GSG1L: variants seen among roughly 807,000 people sequenced by gnomAD.
GSG1L encodes germ cell-specific gene 1-like protein.
A neutral mutation model predicts 42.1 loss-of-function variants in GSG1L; 24 were observed. The observed-to-expected ratio is 0.57, with a 90% confidence interval of 0.41 to 0.80. GSG1L has a LOEUF of 0.80. Among genes scored for constraint, GSG1L ranks in the 30% least tolerant of loss-of-function variants. The pLI is 0.00. For synonymous variants in GSG1L, 215 were observed against 203.5 expected (o/e 1.06, Z -0.48); for missense variants, 445 against 472.2 (o/e 0.94, Z 0.53).
rs116350372 is a variant in GSG1L, at chr16:27,810,536, C to T, written c.831-2982G>A. ...GACTGTCTGCACCAAGGGGCTAGGC[C>T]TGTACTTCCCAGGGAACATACTCTG... On this transcript the variant is annotated intron_variant, in intron 5 of 6. Coordinates refer to ENST00000447459, the MANE Select transcript of GSG1L (RefSeq NM_001109763.2). 8.2e-3 allele frequency among the ~76,000 whole-genome samples: 1,251 copies of T among 152,248 alleles called. 17 individuals are homozygous for T. The highest frequency in any genetic ancestry group is 0.029 in the African/African-American group (1,187 of 41,538).
At chr16:27,961,018 A>T (rs188331725) in intron 2 of GSG1L, among the ~76,000 whole-genome samples, 316 of 152,282 alleles carry the variant, frequency 2.1e-3, no homozygotes, top group African/African-American at 7.2e-3. Context: ...CCCACCTGCC[A>T]CTGTACACAG....
At chr16:27,958,350 A>G (rs914095653) in intron 2 of GSG1L, among the ~76,000 whole-genome samples, 2 of 149,556 alleles carry the variant, frequency 1.3e-5, no homozygotes, top group African/African-American at 4.9e-5. Context: ...GGTTGCAGTG[A>G]GCCGAGATCA....
rs2082709593 is a variant in GSG1L, at chr16:27,787,791, A to G, written c.*3579T>C. On this transcript the variant is annotated 3_prime_UTR_variant, in exon 7 of 7. Transcript: ENST00000447459. ...AACTTCAGAAGGACCCTGGGTGAGA[A>G]CAAGAGCTCCTAGATGCCTGGTGGC... The G allele has an allele frequency of 6.6e-6, 1 of 152,188 alleles. No individual in the cohort carries two copies. Among genetic ancestry groups the G allele is most frequent in the African/African-American group, 2.4e-5 (1 of 41,442 alleles). 9.4% of individuals were successfully genotyped at this position (152,188 alleles called of 1,614,324 possible).
intron 2 of GSG1L, among the ~76,000 whole-genome samples, chr16:27,934,545 TAAATA>T (rs1236559647): frequency 1.3e-5 from 2 of 151,654 alleles, no homozygotes; most frequent in Admixed American, 6.6e-5. Flanking sequence ...AAAAAATAAA[TAAATA>T]AAATAAAATA....
intron 2 of GSG1L, among the ~76,000 whole-genome samples, chr16:27,912,642 G>C (rs72782198): frequency 0.045 from 6,927 of 152,328 alleles, 203 homozygotes; most frequent in South Asian, 0.062. Flanking sequence ...ACGCTGGTGA[G>C]AATGTGGGAG....
chr16:27,819,066 G>A (rs1012630506), intron 5 of GSG1L, among the ~76,000 whole-genome samples: 1 of 152,052 alleles, frequency 6.6e-6, no homozygotes, highest in Non-Finnish European at 1.5e-5. Flanking sequence ...TGACCAACAA[G>A]GTGAAACCCC....
chr16:27,944,194 T>A (rs1368550701), intron 2 of GSG1L, among the ~76,000 whole-genome samples: 1 of 152,222 alleles, frequency 6.6e-6, no homozygotes, highest in Non-Finnish European at 1.5e-5. Context: ...AGGCTATATA[T>A]GTATATGTTA....
chr16:27,958,341 G>T (rs988284645), intron 2 of GSG1L, among the ~76,000 whole-genome samples: 2 of 150,100 alleles, frequency 1.3e-5, no homozygotes, highest in African/African-American at 2.4e-5. Flanking sequence ...GGAGGTGGAG[G>T]TTGCAGTGAG....
At chr16:27,826,586 G>A (rs921976317) in intron 5 of GSG1L, among the ~76,000 whole-genome samples, 4 of 152,184 alleles carry the variant, frequency 2.6e-5, no homozygotes, top group Non-Finnish European at 4.4e-5. Flanking sequence ...GGGAAGGGAC[G>A]GAGCCAGCAG....
chr16:27,963,111 C>T, intron 2 of GSG1L, 45 bp downstream of exon 2: 1 of 1,553,510 alleles, frequency 6.4e-7, no homozygotes, highest in Non-Finnish European at 8.9e-7. Context: ...AAAGATGTCC[C>T]CAGAGAGAGC....
intron 2 of GSG1L, among the ~76,000 whole-genome samples, chr16:27,942,641 A>T (rs2084814308): frequency 6.6e-6 from 1 of 152,246 alleles, no homozygotes; most frequent in Admixed American, 6.5e-5. Context: ...AGAAGTTCCA[A>T]ATAGCCATAA....
At chr16:28,041,351 C>T (rs1461153788) in intron 1 of GSG1L, among the ~76,000 whole-genome samples, 1 of 151,984 alleles carries the variant, frequency 6.6e-6, no homozygotes, top group Non-Finnish European at 1.5e-5. Flanking sequence ...ACTTGAAGGG[C>T]TGAGGAAGGA....
intron 1 of GSG1L, among the ~76,000 whole-genome samples, chr16:27,967,202 T>C (rs988787264): frequency 2.0e-5 from 3 of 152,258 alleles, no homozygotes; most frequent in Non-Finnish European, 4.4e-5. Context: ...CTAAGTTCTC[T>C]GATAAGGTCT....
At chr16:27,865,649 ATG>A (rs1462557563) in intron 3 of GSG1L, among the ~76,000 whole-genome samples, 42 of 143,612 alleles carry the variant, frequency 2.9e-4, no homozygotes, top group African/African-American at 9.8e-4. Context: ...ATGTGTGTGT[ATG>A]TATATATATA....
At chr16:27,996,106 C>CCTCT in intron 1 of GSG1L, among the ~76,000 whole-genome samples, 1 of 151,028 alleles carries the variant, frequency 6.6e-6, no homozygotes, top group Middle Eastern at 3.5e-3. Flanking sequence ...TAAACAGCGC[C>CCTCT]CTCTCTCTCT....
intron 6 of GSG1L, among the ~76,000 whole-genome samples, chr16:27,803,788 T>TATATATATATATATATATATATAG (rs1567460391): frequency 1.7e-4 from 11 of 63,624 alleles, no homozygotes; most frequent in African/African-American, 6.7e-4. Context: ...TATATATATA[T>TATATATATATATATATATATATAG]ATATATAGAT....
At chr16:27,986,296 T>C (rs757730249) in intron 1 of GSG1L, among the ~76,000 whole-genome samples, 3 of 152,118 alleles carry the variant, frequency 2.0e-5, no homozygotes, top group Non-Finnish European at 4.4e-5. Flanking sequence ...GGCCAGGAGT[T>C]TGAGACCAGC....
At chr16:27,922,555 C>T (rs1473381895) in intron 2 of GSG1L, among the ~76,000 whole-genome samples, 1 of 152,156 alleles carries the variant, frequency 6.6e-6, no homozygotes, top group Non-Finnish European at 1.5e-5. Context: ...TCCCTGTGCC[C>T]CCTCCTCATC....
intron 1 of GSG1L, among the ~76,000 whole-genome samples, chr16:27,970,323 A>G (rs55845359): frequency 0.27 from 40,412 of 151,618 alleles, 5,721 homozygotes; most frequent in East Asian, 0.48. Context: ...TGTAATCCCA[A>G]CACTTTGGGA....
Sources: allele counts gnomAD v4.1 joint callset (sites outside exome capture counted in the v4.1 genomes callset), GRCh38; gene constraint gnomAD v4.1.1; transcripts MANE v1.5; gene names NCBI Gene and HGNC (gene_info 2026-07-23, HGNC 2026-07-21).